Variants in TAB1 observed in about 807,000 individuals in gnomAD.
The protein encoded by TAB1 is TGF-beta activated kinase 1 (MAP3K7) binding protein 1.
In TAB1, 30 loss-of-function variants were observed where a neutral mutation model predicts 54.5. The ratio of observed to expected loss-of-function variants is 0.55; its 90% CI spans 0.41 to 0.75. TAB1 has a LOEUF of 0.75. Among genes scored for constraint, TAB1 ranks in the 30% least tolerant of loss-of-function variants. The pLI is 0.00. For synonymous variants in TAB1, 289 were observed against 286.9 expected, an observed-to-expected ratio of 1.01 and a Z score of -0.07; for missense variants, 609 against 683.2, an observed-to-expected ratio of 0.89 and a Z score of 1.21.
chr22:39,414,260 T>A (rs1601688983), intron 1 of TAB1, among the ~76,000 whole-genome samples: 1 of 151,406 alleles, frequency 6.6e-6, no homozygotes, highest in African/African-American at 2.4e-5. Context: ...AGAGGGAGGG[T>A]GTTCATGTGG....
Position 39,430,389 on chromosome 22 carries a change from T to G in TAB1, c.*167T>G, listed in dbSNP as rs17001102. On this transcript the variant is annotated 3_prime_UTR_variant, in exon 11 of 11. Transcript: ENST00000216160. ...GGCAGTAGAGTGTGTGAGTGCAGACTGGACCTGTGGTTCATACCTTGTCAC... is the reference window on the plus strand; with the variant it reads ...GGCAGTAGAGTGTGTGAGTGCAGACGGGACCTGTGGTTCATACCTTGTCAC... 8.6e-4 allele frequency: 1,245 copies of G among 1,454,108 alleles called. 11 individuals carry two copies. In the African/African-American group the frequency reaches 0.016, roughly 19 times the overall value. 90.1% of individuals were successfully genotyped at this position (1,454,108 alleles called of 1,614,324 possible).
At chr22:39,422,866 G>A (rs2145676726) in intron 8 of TAB1, among the ~76,000 whole-genome samples, 1 of 152,218 alleles carries the variant, frequency 6.6e-6, no homozygotes, top group Admixed American at 6.5e-5. Flanking sequence ...GGTCTCAAAG[G>A]AAAACTGTCT....
Position 39,415,763 on chromosome 22 carries a change from C to A in TAB1, c.324+110C>A. The stretch of plus-strand genomic sequence containing the variant: ...AGGGTTGGTGTGAAGATCCTGCCGG[C>A]CCCTTCACCCCAGTAGAGGAGCAGC... On this transcript the variant is annotated intron_variant, in intron 3 of 10. Coordinates refer to ENST00000216160, the MANE Select transcript of TAB1 (RefSeq NM_006116.3). This position sits in a 1 kb window ranked among gnomAD's most constrained non-coding sequence, Gnocchi z 4.9. 7.2e-7 allele frequency: 1 copy of A among 1,383,548 alleles called. No individual in the cohort carries two copies. The highest frequency in any genetic ancestry group is 9.7e-7 in the Non-Finnish European group (1 of 1,028,448). 85.7% of individuals were successfully genotyped at this position (1,383,548 alleles called of 1,614,324 possible). A position where few individuals can be genotyped will look rare whatever the true frequency, so the allele number is the denominator to read the frequency against.
At chr22:39,414,547 A>T (rs1230826620) in intron 1 of TAB1, among the ~76,000 whole-genome samples, 1 of 152,212 alleles carries the variant, frequency 6.6e-6, no homozygotes, top group East Asian at 1.9e-4. Context: ...CCTGCACTGC[A>T]GATGTCCCGG....
intron 1 of TAB1, 125 bp downstream of exon 1, chr22:39,399,960 A>G: frequency 1.9e-6 from 2 of 1,071,576 alleles, no homozygotes; most frequent in Non-Finnish European, 2.7e-6. Flanking sequence ...TGTGTCAGCC[A>G]CCTTCTCCTC....
intron 1 of TAB1, among the ~76,000 whole-genome samples, chr22:39,403,211 G>A (rs771437955): frequency 1.3e-5 from 2 of 152,210 alleles, no homozygotes; most frequent in Non-Finnish European, 2.9e-5. Flanking sequence ...CAGACAGTGA[G>A]CACCGAACAG....
intron 1 of TAB1, among the ~76,000 whole-genome samples, chr22:39,405,554 G>A (rs893627404): frequency 6.6e-6 from 1 of 152,202 alleles, no homozygotes; most frequent in Non-Finnish European, 1.5e-5. Context: ...CGCCGCTCAC[G>A]GCTGGTGCTG....
chr22:39,434,611 CGGCCG>C (rs1337663913), downstream of TAB1, among the ~76,000 whole-genome samples: 1 of 152,238 alleles, frequency 6.6e-6, no homozygotes, highest in East Asian at 1.9e-4. Flanking sequence ...CGAGCCTGGG[CGGCCG>C]CGTCAGGGAC....
intron 7 of TAB1, 155 bp from the exon 8 acceptor site, chr22:39,421,672 A>G (rs375804118): frequency 1.5e-5 from 12 of 825,684 alleles, no homozygotes; most frequent in Non-Finnish European, 2.2e-5. Context: ...CGATGGGTCT[A>G]TTTTTCTGAC....
chr22:39,429,521 AG>A (rs1407898059), intron 10 of TAB1: 1 of 424,876 alleles, frequency 2.4e-6, no homozygotes, highest in Non-Finnish European at 3.1e-6. Flanking sequence ...CTTGTTGCCC[AG>A]GCTGGAGTGC....
chr22:39,422,886 C>T (rs1425476362), intron 8 of TAB1, among the ~76,000 whole-genome samples: 2 of 152,112 alleles, frequency 1.3e-5, no homozygotes, highest in Non-Finnish European at 2.9e-5. Context: ...TTTCCCTGAC[C>T]TCCTTGGATT....
At position 39,399,791 on chromosome 22, in the gene TAB1, G is replaced by C. The variant is rs937803093; in HGVS notation, c.-12G>C. 7 of 1,588,536 alleles carry C rather than the reference G, an allele frequency of 4.4e-6. No homozygotes were observed. Among genetic ancestry groups the C allele is most frequent in the South Asian group, 1.1e-5 (1 of 87,248 alleles). On this transcript the variant is annotated 5_prime_UTR_variant, in exon 1 of 11. Transcript: ENST00000216160. ...GCGGGGAGGCGGGCGCTCCCGCAGGGGTTCCTCCAAGATGGCGGCGCAGAG... is the reference window on the plus strand; with the variant it reads ...GCGGGGAGGCGGGCGCTCCCGCAGGCGTTCCTCCAAGATGGCGGCGCAGAG...
intron 1 of TAB1, among the ~76,000 whole-genome samples, chr22:39,403,943 C>T (rs753595297): frequency 5.3e-5 from 8 of 152,166 alleles, no homozygotes; most frequent in African/African-American, 9.6e-5. Flanking sequence ...CGTGCCCGGC[C>T]GAAAAATCCC....
In TAB1 at chr22:39,430,254, T is replaced by C. The variant is rs748686907; in HGVS notation, c.*32T>C. On this transcript the variant is annotated 3_prime_UTR_variant, in exon 11 of 11. Coordinates refer to ENST00000216160, the MANE Select transcript of TAB1 (RefSeq NM_006116.3). The stretch of plus-strand genomic sequence containing the variant: ...CGGAGAATGCAGCCCAAGCAGGGCC[T>C]GGCATGGGGCAGGACAGGGTCCAGC... 3 of 1,606,828 alleles carry C rather than the reference T, an allele frequency of 1.9e-6. No individual in the cohort carries two copies. In the South Asian group the frequency reaches 3.3e-5, roughly 18 times the overall value.
chr22:39,433,812 A>G (rs1475512930), downstream of TAB1: 7 of 985,410 alleles, frequency 7.1e-6, no homozygotes, highest in South Asian at 1.4e-4. Context: ...TTGCGGGGCT[A>G]GTTCCTTCTT....
chr22:39,415,747 G>T lies in TAB1; in HGVS notation c.324+94G>T. 1.4e-6 allele frequency: 2 copies of T among 1,479,426 alleles called. No homozygotes were observed. Among genetic ancestry groups the T allele is most frequent in the Non-Finnish European group, 1.8e-6 (2 of 1,104,338 alleles). The allele number at this position is 1,479,426 out of a possible 1,614,324, so 91.6% of individuals were successfully genotyped here. ...CCTCTAGCATGTTGCCAGGGTTGGT[G>T]TGAAGATCCTGCCGGCCCCTTCACC... On this transcript the variant is annotated intron_variant, in intron 3 of 10. Transcript: ENST00000216160. This position sits in a 1 kb window ranked among gnomAD's most constrained non-coding sequence, Gnocchi z 4.9.
chr22:39,426,639 T>G (rs1056935028), intron 8 of TAB1, 64 bp from the exon 9 acceptor site: 33 of 1,430,732 alleles, frequency 2.3e-5, no homozygotes, highest in Non-Finnish European at 2.9e-5. Context: ...GCTCCAAGAT[T>G]ATGGCCCATG....
At position 39,415,473 on chromosome 22, in the gene TAB1, C is replaced by A. The variant is rs745449326; in HGVS notation, c.171-27C>A. 22 of 1,604,152 alleles carry A rather than the reference C, an allele frequency of 1.4e-5. No homozygotes were observed. Among genetic ancestry groups the A allele is most frequent in the Non-Finnish European group, 1.9e-5 (22 of 1,171,580 alleles). ...ACCTCCGTGAGACCCTGGTCTCAGG[C>A]CTCCCTCTGCCCTCTCCCTCTTCCA... On this transcript the variant is annotated intron_variant, in intron 2 of 10. Coordinates refer to ENST00000216160, the MANE Select transcript of TAB1 (RefSeq NM_006116.3). This position sits in a 1 kb window ranked among gnomAD's most constrained non-coding sequence, Gnocchi z 4.9.
intron 1 of TAB1, among the ~76,000 whole-genome samples, chr22:39,408,997 T>C (rs35629098): frequency 3.5e-4 from 54 of 152,364 alleles, no homozygotes; most frequent in Middle Eastern, 3.4e-3. Flanking sequence ...AGGTTTTGCA[T>C]TGTGGTGACA....
Sources: gnomAD v4.1 joint callset for allele counts (sites outside exome capture counted in the v4.1 genomes callset) on GRCh38, gnomAD v4.1.1 for gene constraint, Gnocchi (gnomAD v3.1) non-coding constraint, MANE v1.5 for transcripts, NCBI Gene and HGNC (gene_info 2026-07-23, HGNC 2026-07-21) for gene names.